CNTNAP2: variants seen among roughly 807,000 people sequenced by gnomAD.
CNTNAP2 encodes the protein contactin-associated protein-like 2.
A neutral mutation model predicts 155.2 loss-of-function variants in CNTNAP2; 98 were observed. The observed-to-expected ratio is 0.63, with a 90% CI of 0.54 to 0.75. The LOEUF (loss-of-function observed/expected upper bound fraction) is 0.75, where lower values mean the gene tolerates loss of function less well. CNTNAP2 is among the 30% of genes least tolerant of loss of function. The pLI is 0.00. For missense variants in CNTNAP2, 1,727 were observed against 1,688.1 expected, an observed-to-expected ratio of 1.02 and a Z score of -0.40; for synonymous variants, 651 against 631.2, an observed-to-expected ratio of 1.03 and a Z score of -0.47.
chr7:147,903,420 T>G, intron 13 of CNTNAP2, 145 bp from the exon 14 acceptor site: 1 of 848,834 alleles, frequency 1.2e-6, no homozygotes, highest in South Asian at 1.5e-5. Flanking sequence ...ACTCTGTGGG[T>G]TGTCTGTTTG....
intron 10 of CNTNAP2, among the ~76,000 whole-genome samples, chr7:147,484,553 G>A (rs890313099): frequency 3.3e-5 from 5 of 152,244 alleles, no homozygotes; most frequent in Admixed American, 6.5e-5. Flanking sequence ...TCTATTTTCC[G>A]TAGTGCTGTG....
rs1392084179 is a variant in CNTNAP2, at chr7:147,400,840, G to GA, written c.1670+5065dup. On this transcript the variant is annotated intron_variant, in intron 10 of 23. Coordinates refer to ENST00000361727, the MANE Select transcript of CNTNAP2 (RefSeq NM_014141.6). ...CAGCCACTGATACTAACTTGTATGT[G>GA]AAAAATATCAACTATCACTTATCTA... 2.6e-5 allele frequency among the ~76,000 whole-genome samples: 4 copies of GA among 152,298 alleles called. No homozygotes were observed. In the East Asian group the frequency reaches 7.7e-4, roughly 29 times the overall value.
At chr7:146,347,495 C>A (rs1204675005) in intron 1 of CNTNAP2, among the ~76,000 whole-genome samples, 1 of 152,160 alleles carries the variant, frequency 6.6e-6, no homozygotes, top group African/African-American at 2.4e-5. Flanking sequence ...CTCCAAAATT[C>A]TGAGATTTAA....
chr7:148,137,105 T>C (rs1274387586), intron 16 of CNTNAP2, among the ~76,000 whole-genome samples: 2 of 152,194 alleles, frequency 1.3e-5, no homozygotes, highest in African/African-American at 4.8e-5. Context: ...AAGGGTCTAC[T>C]AACTCTTCTA....
chr7:146,788,091 T>C (rs1860846), intron 2 of CNTNAP2, among the ~76,000 whole-genome samples: 15,255 of 152,048 alleles, frequency 0.1, 1,379 homozygotes, highest in African/African-American at 0.24. Context: ...CACGGGACTT[T>C]GTGGCACCTA....
At chr7:147,979,906 A>T (rs1398265349) in intron 15 of CNTNAP2, among the ~76,000 whole-genome samples, 2 of 152,218 alleles carry the variant, frequency 1.3e-5, no homozygotes, top group Admixed American at 1.3e-4. Context: ...TACAGGTGTG[A>T]GCCACTGTGC....
intron 10 of CNTNAP2, among the ~76,000 whole-genome samples, chr7:147,484,162 G>A (rs990908445): frequency 7.2e-5 from 11 of 152,118 alleles, no homozygotes; most frequent in African/African-American, 2.7e-4. Context: ...CAAATTTGGA[G>A]ATGAAACATC....
chr7:146,278,344 C>T (rs1304667669), intron 1 of CNTNAP2, among the ~76,000 whole-genome samples: 2 of 152,024 alleles, frequency 1.3e-5, no homozygotes, highest in African/African-American at 2.4e-5. Flanking sequence ...GGTCTCTGTT[C>T]TTTTTTTCTG....
intron 1 of CNTNAP2, among the ~76,000 whole-genome samples, chr7:146,129,202 T>G (rs1174884222): frequency 6.6e-6 from 1 of 152,190 alleles, no homozygotes; most frequent in Non-Finnish European, 1.5e-5. Context: ...TTTTTGGAAT[T>G]TAAAATGTGT....
chr7:146,270,590 A>T (rs995267355), intron 1 of CNTNAP2, among the ~76,000 whole-genome samples: 1 of 152,170 alleles, frequency 6.6e-6, no homozygotes. Flanking sequence ...CAATTTTAAT[A>T]TTTCCAAAAG....
intron 9 of CNTNAP2, among the ~76,000 whole-genome samples, chr7:147,394,246 T>G (rs192096313): frequency 1.6e-4 from 25 of 152,136 alleles, no homozygotes; most frequent in African/African-American, 6.0e-4. Context: ...ACCCTGATTA[T>G]AAGTTTCCTG....
rs111884245 is a variant in CNTNAP2, at chr7:147,809,045, G to GAA, written c.2099-94511_2099-94510dup. ...GAGAGGTTCTCAGCCAACCAGGAAG[G>GAA]AAAAAAAAAATGATTCAGTGATTAG... is the stretch of plus-strand genomic sequence containing the variant. On this transcript the variant is annotated intron_variant, in intron 13 of 23. Transcript: ENST00000361727. Among the ~76,000 whole-genome samples the GAA allele has an allele frequency of 4.2e-3, 629 of 148,576 alleles. 2 individuals are homozygous for GAA. The highest frequency in any genetic ancestry group is 7.0e-3 in the Non-Finnish European group (470 of 66,978).
At chr7:147,983,290 A>G (rs1159109507) in intron 15 of CNTNAP2, among the ~76,000 whole-genome samples, 3 of 152,016 alleles carry the variant, frequency 2.0e-5, no homozygotes, top group Non-Finnish European at 4.4e-5. Context: ...TTCAAAATTT[A>G]TTTATCTCCT....
chr7:146,910,208 T>A (rs1265109665), intron 3 of CNTNAP2, among the ~76,000 whole-genome samples: 1 of 137,326 alleles, frequency 7.3e-6, no homozygotes, highest in East Asian at 1.9e-4. Context: ...AGAATCAATA[T>A]CATGAAAATG....
rs549553097 is a variant in CNTNAP2, at chr7:146,814,506, T to TA, written c.209-25198dup. Among the ~76,000 whole-genome samples, 115 of 152,052 alleles carry TA rather than the reference T, an allele frequency of 7.6e-4. 1 individual carries two copies. Among genetic ancestry groups the TA allele is most frequent in the Non-Finnish European group, 1.0e-3 (69 of 67,940 alleles). On this transcript the variant is annotated intron_variant, in intron 2 of 23. Transcript: ENST00000361727. ...ATGGTTGTCTAAATAAGAGAATAGA[T>TA]AAAAAAAGAAGTGCAAACTATAGAC...
At chr7:147,592,957 G>A (rs777351642) in intron 12 of CNTNAP2, among the ~76,000 whole-genome samples, 20 of 152,202 alleles carry the variant, frequency 1.3e-4, no homozygotes, top group Non-Finnish European at 2.1e-4. Flanking sequence ...ATATTGCATA[G>A]CTGCAGGATG....
chr7:146,520,082 T>A (rs1438769399), intron 1 of CNTNAP2, among the ~76,000 whole-genome samples: 1 of 151,502 alleles, frequency 6.6e-6, no homozygotes, highest in Non-Finnish European at 1.5e-5. Flanking sequence ...ATAATTAGCC[T>A]TGATACACAA....
chr7:147,477,137 A>G (rs1798337159), intron 10 of CNTNAP2, among the ~76,000 whole-genome samples: 2 of 152,176 alleles, frequency 1.3e-5, no homozygotes, highest in South Asian at 4.1e-4. Flanking sequence ...TGAGATGGAA[A>G]TAAGGCTAAA....
chr7:146,589,806 G>C lies in CNTNAP2; in HGVS notation c.98-184465G>C, dbSNP rs530155228. Reference sequence around the variant, plus strand: ...CAATGTAAGTTTATGTGTTATTCAAGTGAGATTAAAAATGTGTGTTCCTGG... The same window carrying C: ...CAATGTAAGTTTATGTGTTATTCAACTGAGATTAAAAATGTGTGTTCCTGG... On this transcript the variant is annotated intron_variant, in intron 1 of 23. Coordinates refer to ENST00000361727, the MANE Select transcript of CNTNAP2 (RefSeq NM_014141.6). Among the ~76,000 whole-genome samples, 306 of 151,912 alleles carry C rather than the reference G, an allele frequency of 2.0e-3. 4 individuals are homozygous for C. The highest frequency in any genetic ancestry group is 7.0e-3 in the African/African-American group (292 of 41,430).
Sources: allele counts gnomAD v4.1 joint callset (sites outside exome capture counted in the v4.1 genomes callset), GRCh38; gene constraint gnomAD v4.1.1; transcripts MANE v1.5; gene names NCBI Gene and HGNC (gene_info 2026-07-23, HGNC 2026-07-21).